The following SGCZ variants were observed in gnomAD, a reference collection of about 807,000 sequenced individuals.
SGCZ encodes sarcoglycan zeta, also known as zeta-sarcoglycan.
Under a neutral mutation model 41.3 loss-of-function variants are expected in SGCZ, and 40 were observed. The ratio of observed to expected loss-of-function variants is 0.97; its 90% CI spans 0.75 to 1.26. The LOEUF (loss-of-function observed/expected upper bound fraction) is 1.26, where lower values mean the gene tolerates loss of function less well. Among genes scored for constraint, SGCZ ranks in the 50% most tolerant of loss-of-function variants. The pLI is 0.00. For missense variants in SGCZ, 552 were observed against 369.8 expected, an observed-to-expected ratio of 1.49 and a Z score of -4.04; for synonymous variants, 206 against 137.5, an observed-to-expected ratio of 1.50 and a Z score of -3.49.
At chr8:14,377,023 A>G (rs914575722) in intron 2 of SGCZ, among the ~76,000 whole-genome samples, 2 of 152,060 alleles carry the variant, frequency 1.3e-5, no homozygotes, top group African/African-American at 4.8e-5. Context: ...TACACAATAA[A>G]CCCCTTTCCG....
At chr8:15,181,548 G>A (rs1800180470) in intron 1 of SGCZ, among the ~76,000 whole-genome samples, 1 of 152,154 alleles carries the variant, frequency 6.6e-6, no homozygotes, top group African/African-American at 2.4e-5. Flanking sequence ...ACTAGAAACT[G>A]TAGTGTCAAG....
At chr8:15,090,088 G>C (rs527341245) in intron 1 of SGCZ, among the ~76,000 whole-genome samples, 266 of 152,220 alleles carry the variant, frequency 1.7e-3, no homozygotes, top group Non-Finnish European at 3.0e-3. Flanking sequence ...CAACTTTTCA[G>C]TTACTGACAA....
At chr8:14,253,900 T>C (rs556806097) in intron 3 of SGCZ, among the ~76,000 whole-genome samples, 6 of 150,206 alleles carry the variant, frequency 4.0e-5, no homozygotes, top group African/African-American at 7.4e-5. Flanking sequence ...CAAAAATCTT[T>C]TTTACATGTA....
At chr8:14,694,991 T>A (rs1406794969) in intron 1 of SGCZ, among the ~76,000 whole-genome samples, 2 of 152,114 alleles carry the variant, frequency 1.3e-5, no homozygotes, top group South Asian at 2.1e-4. Flanking sequence ...ATTATCCACA[T>A]TTGCACGGAA....
At chr8:14,219,745 CAA>C (rs36172805) in intron 4 of SGCZ, among the ~76,000 whole-genome samples, 86 of 145,878 alleles carry the variant, frequency 5.9e-4, no homozygotes, top group Admixed American at 8.9e-4. Flanking sequence ...GACTTCGTCT[CAA>C]AAAAAAAAAA....
intron 2 of SGCZ, among the ~76,000 whole-genome samples, chr8:14,351,077 G>A (rs1438661151): frequency 6.6e-6 from 1 of 151,994 alleles, no homozygotes; most frequent in Non-Finnish European, 1.5e-5. Context: ...GTGGCATTTT[G>A]TTTAGGTATG....
At chr8:14,679,454 T>A (rs1241826412) in intron 1 of SGCZ, among the ~76,000 whole-genome samples, 1 of 151,674 alleles carries the variant, frequency 6.6e-6, no homozygotes, top group Non-Finnish European at 1.5e-5. Flanking sequence ...CAAACTAATA[T>A]GTGTGTTCGT....
At chr8:14,112,120 C>G (rs1266911965) in intron 5 of SGCZ, among the ~76,000 whole-genome samples, 6 of 152,040 alleles carry the variant, frequency 3.9e-5, no homozygotes, top group Non-Finnish European at 8.8e-5. Context: ...AAGCAAACAA[C>G]CAAGAAAGGC....
chr8:14,512,378 G>A (rs773395509), intron 2 of SGCZ, among the ~76,000 whole-genome samples: 1 of 152,070 alleles, frequency 6.6e-6, no homozygotes, highest in Non-Finnish European at 1.5e-5. Context: ...GTATGCCTTA[G>A]TTTATTTTCC....
chr8:14,655,337 T>C (rs1027646533), intron 1 of SGCZ, among the ~76,000 whole-genome samples: 1 of 152,116 alleles, frequency 6.6e-6, no homozygotes, highest in African/African-American at 2.4e-5. Flanking sequence ...TATCAAAATA[T>C]TTAATTGAAA....
intron 2 of SGCZ, among the ~76,000 whole-genome samples, chr8:14,389,758 C>G (rs900614840): frequency 6.6e-6 from 1 of 151,846 alleles, no homozygotes; most frequent in African/African-American, 2.4e-5. Context: ...CTGGCTAAAA[C>G]TGAGCAAGTA....
intron 2 of SGCZ, among the ~76,000 whole-genome samples, chr8:14,456,465 T>C (rs1188936983): frequency 6.6e-6 from 1 of 152,066 alleles, no homozygotes; most frequent in East Asian, 1.9e-4. Context: ...GACATGTAGA[T>C]CATATAATAC....
At chr8:14,923,728 G>A (rs938562121) in intron 1 of SGCZ, among the ~76,000 whole-genome samples, 4 of 152,140 alleles carry the variant, frequency 2.6e-5, no homozygotes, top group Admixed American at 1.3e-4. Context: ...ATTCTTTGCC[G>A]TATGCTTAGA....
chr8:14,906,739 A>G (rs1799129811), intron 1 of SGCZ, among the ~76,000 whole-genome samples: 1 of 152,222 alleles, frequency 6.6e-6, no homozygotes, highest in Admixed American at 6.5e-5. Context: ...CAGTTCTGAG[A>G]AATCAACTGG....
intron 1 of SGCZ, among the ~76,000 whole-genome samples, chr8:15,133,978 C>T (rs1192623674): frequency 2.0e-5 from 3 of 152,024 alleles, no homozygotes; most frequent in Admixed American, 6.6e-5. Context: ...AAAAATTATT[C>T]TGAGAAATTA....
At chr8:15,139,427 A>G (rs1198456770) in intron 1 of SGCZ, among the ~76,000 whole-genome samples, 1 of 152,192 alleles carries the variant, frequency 6.6e-6, no homozygotes, top group Non-Finnish European at 1.5e-5. Flanking sequence ...AGATGTTACT[A>G]TTCATACTTT....
intron 2 of SGCZ, among the ~76,000 whole-genome samples, chr8:14,468,231 T>C (rs1801106741): frequency 6.6e-6 from 1 of 152,040 alleles, no homozygotes; most frequent in Non-Finnish European, 1.5e-5. Flanking sequence ...GAATGATATA[T>C]ACAGATTGGG....
intron 1 of SGCZ, among the ~76,000 whole-genome samples, chr8:14,655,544 G>A (rs932470856): frequency 6.6e-6 from 1 of 151,960 alleles, no homozygotes; most frequent in African/African-American, 2.4e-5. Context: ...TGTAGATGAA[G>A]GGTTTTTAAA....
intron 4 of SGCZ, among the ~76,000 whole-genome samples, chr8:14,178,458 G>A (rs1804620891): frequency 6.6e-6 from 1 of 152,194 alleles, no homozygotes; most frequent in African/African-American, 2.4e-5. Flanking sequence ...AATTTTGTTA[G>A]AAATAATTTA....
Sources: allele counts gnomAD v4.1 joint callset (sites outside exome capture counted in the v4.1 genomes callset), GRCh38; gene constraint gnomAD v4.1.1; transcripts MANE v1.5; gene names NCBI Gene and HGNC (gene_info 2026-07-23, HGNC 2026-07-21).